Variants in NRXN3 observed in about 807,000 individuals in gnomAD.
The protein encoded by NRXN3 is neurexin III.
In NRXN3, 32 loss-of-function variants were observed where a neutral mutation model predicts 137.6. That is an observed-to-expected ratio of 0.23 (90% CI 0.18 to 0.31). The LOEUF (loss-of-function observed/expected upper bound fraction) is 0.31, where lower values mean the gene tolerates loss of function less well. Ranked by LOEUF, NRXN3 falls within the 10% of genes least tolerant of loss-of-function variation. The pLI, the probability that NRXN3 is intolerant of heterozygous loss-of-function variation, is 1.00. For synonymous variants in NRXN3, 798 were observed against 784.5 expected (o/e 1.02, Z -0.29); for missense variants, 1,574 against 2,062.5 (o/e 0.76, Z 4.59).
intron 8 of NRXN3, among the ~76,000 whole-genome samples, chr14:78,737,153 C>A (rs11622078): frequency 0.13 from 19,092 of 152,118 alleles, 1,282 homozygotes; most frequent in South Asian, 0.17. Flanking sequence ...GTCTACCTAC[C>A]GTTCTTCCTA....
chr14:78,215,836 G>T (rs1457902230), intron 1 of NRXN3, among the ~76,000 whole-genome samples: 1 of 151,870 alleles, frequency 6.6e-6, no homozygotes, highest in African/African-American at 2.4e-5. Context: ...CATCTGTTCT[G>T]GGTTCTGAAC....
At chr14:79,342,797 G>A (rs540819871) in intron 15 of NRXN3, among the ~76,000 whole-genome samples, 1 of 152,246 alleles carries the variant, frequency 6.6e-6, no homozygotes, top group Non-Finnish European at 1.5e-5. Context: ...GGTTCACCTT[G>A]TCTGCTGCCT....
intron 4 of NRXN3, among the ~76,000 whole-genome samples, chr14:78,512,593 G>A (rs970937115): frequency 6.6e-6 from 1 of 152,172 alleles, no homozygotes; most frequent in African/African-American, 2.4e-5. Context: ...ACCCTTAGGT[G>A]GCAATCAGAG....
At chr14:79,395,634 C>G (rs2094996458) in intron 15 of NRXN3, among the ~76,000 whole-genome samples, 1 of 151,740 alleles carries the variant, frequency 6.6e-6, no homozygotes, top group Non-Finnish European at 1.5e-5. Flanking sequence ...TGGTGAAACC[C>G]CATCTCTACT....
chr14:79,262,980 TAA>T (rs1396785364), intron 15 of NRXN3, among the ~76,000 whole-genome samples: 2 of 152,164 alleles, frequency 1.3e-5, no homozygotes, highest in Non-Finnish European at 2.9e-5. Context: ...ATTTCACACT[TAA>T]AGTATGGGTG....
chr14:78,339,294 G>GA (rs1348749665), intron 4 of NRXN3, among the ~76,000 whole-genome samples: 6 of 152,218 alleles, frequency 3.9e-5, no homozygotes, highest in Non-Finnish European at 8.8e-5. Flanking sequence ...CTGAAGCACA[G>GA]AAATGTTTAG....
chr14:79,164,857 T>G (rs1265340806), intron 15 of NRXN3, among the ~76,000 whole-genome samples: 2 of 152,122 alleles, frequency 1.3e-5, no homozygotes, highest in East Asian at 1.9e-4. Context: ...CAAGGCCACA[T>G]GCATATGAAA....
chr14:78,886,360 T>A (rs1420132491), intron 10 of NRXN3, among the ~76,000 whole-genome samples: 1 of 152,090 alleles, frequency 6.6e-6, no homozygotes, highest in Non-Finnish European at 1.5e-5. Flanking sequence ...TGATACAGAG[T>A]TCAGTATATA....
intron 15 of NRXN3, among the ~76,000 whole-genome samples, chr14:79,168,187 C>T (rs924131465): frequency 1.1e-4 from 17 of 151,962 alleles, no homozygotes; most frequent in South Asian, 2.1e-4. Flanking sequence ...ATCAATCCCA[C>T]GTTGGGGAAG....
intron 11 of NRXN3, among the ~76,000 whole-genome samples, chr14:78,961,272 C>G (rs1320775801): frequency 6.6e-6 from 1 of 151,958 alleles, no homozygotes; most frequent in Admixed American, 6.5e-5. Context: ...TTCTTTTTTG[C>G]TGAGCTCTTA....
At position 79,172,806 on chromosome 14, in the gene NRXN3, T is replaced by C. The variant is rs561986620; in HGVS notation, c.3262+184665T>C. Among the ~76,000 whole-genome samples, 9 of 152,314 alleles carry C rather than the reference T, an allele frequency of 5.9e-5. No homozygotes were observed. In the South Asian group the frequency reaches 1.9e-3, roughly 32 times the overall value. On this transcript the variant is annotated intron_variant, in intron 15 of 20. Coordinates refer to ENST00000335750, the MANE Select transcript of NRXN3 (RefSeq NM_001330195.2). ...GTAAGAAGACTTTGAGTAAGAACTA[T>C]GCTTTATAATTCTAATATAAAACCA...
At chr14:79,359,095 T>C (rs557966238) in intron 15 of NRXN3, among the ~76,000 whole-genome samples, 1 of 152,334 alleles carries the variant, frequency 6.6e-6, no homozygotes, top group South Asian at 2.1e-4. Context: ...CTCAATGGGA[T>C]AACATTTGTA....
intron 15 of NRXN3, among the ~76,000 whole-genome samples, chr14:79,085,295 T>C (rs2047892887): frequency 6.6e-6 from 1 of 152,210 alleles, no homozygotes; most frequent in African/African-American, 2.4e-5. Flanking sequence ...GTCTTCAGCA[T>C]TGAAAAGTTA....
chr14:78,747,069 A>G (rs1489098940), intron 8 of NRXN3, among the ~76,000 whole-genome samples: 1 of 152,114 alleles, frequency 6.6e-6, no homozygotes, highest in Non-Finnish European at 1.5e-5. Flanking sequence ...AGAGGAAGAA[A>G]TCTCAGTGTC....
chr14:79,708,175 G>T (rs1052269355), intron 19 of NRXN3, among the ~76,000 whole-genome samples: 1 of 152,082 alleles, frequency 6.6e-6, no homozygotes, highest in Non-Finnish European at 1.5e-5. Context: ...AATTGTGTCT[G>T]TACTGAACAT....
At chr14:78,731,841 T>C (rs377425150) in intron 8 of NRXN3, among the ~76,000 whole-genome samples, 75 of 151,014 alleles carry the variant, frequency 5.0e-4, no homozygotes, top group African/African-American at 1.8e-3. Flanking sequence ...TTCAATTCAG[T>C]GTTATATGAT....
chr14:78,563,379 T>G (rs567494318), intron 4 of NRXN3, among the ~76,000 whole-genome samples: 4 of 152,082 alleles, frequency 2.6e-5, no homozygotes, highest in Non-Finnish European at 4.4e-5. Context: ...ATAACGGAAA[T>G]AGGTTTGATG....
intron 16 of NRXN3, among the ~76,000 whole-genome samples, chr14:79,659,444 G>A (rs2098522423): frequency 6.6e-6 from 1 of 152,058 alleles, no homozygotes; most frequent in South Asian, 2.1e-4. Context: ...ACCAAATTGG[G>A]ATAGGAAATC....
At chr14:79,776,163 T>G (rs117556367) in intron 19 of NRXN3, among the ~76,000 whole-genome samples, 2,837 of 152,314 alleles carry the variant, frequency 0.019, 44 homozygotes, top group Middle Eastern at 0.065. Context: ...ATTACTTCTC[T>G]CCACTGTTAC....
Sources: allele counts gnomAD v4.1 joint callset (sites outside exome capture counted in the v4.1 genomes callset), GRCh38; gene constraint gnomAD v4.1.1; transcripts MANE v1.5; gene names NCBI Gene and HGNC (gene_info 2026-07-23, HGNC 2026-07-21).